POLGARF: variants seen among roughly 807,000 people sequenced by gnomAD.
The protein encoded by POLGARF is POLG alternative reading frame.
chr15:89,330,953 C>A, the POLGARF span, among the ~76,000 whole-genome samples: 1 of 152,114 alleles, frequency 6.6e-6, no homozygotes, highest in African/African-American at 2.4e-5. Context: ...GGGCCCGACA[C>A]TGATTCAGGA....
the POLGARF span, chr15:89,333,118 C>T: frequency 6.6e-7 from 1 of 1,522,772 alleles, no homozygotes; most frequent in Non-Finnish European, 8.8e-7. Context: ...GATATGGCCA[C>T]CGCCAATGTG....
the POLGARF span, among the ~76,000 whole-genome samples, chr15:89,331,096 C>T: frequency 3.9e-5 from 6 of 152,138 alleles, no homozygotes; most frequent in South Asian, 2.1e-4. Context: ...GACGAGGCCA[C>T]GTGTGGACAA....
the POLGARF span, among the ~76,000 whole-genome samples, chr15:89,331,052 A>G: frequency 2.0e-5 from 3 of 152,176 alleles, no homozygotes; most frequent in Non-Finnish European, 4.4e-5. Context: ...AGATTATTCT[A>G]AACAATCAAG....
At chr15:89,333,004 C>A in the POLGARF span, 1 of 1,475,614 alleles carries the variant, frequency 6.8e-7, no homozygotes, top group Non-Finnish European at 9.0e-7. Flanking sequence ...GAGCACCCAG[C>A]CCGTAACAGG....
chr15:89,333,627 T>TGCTGCC, the POLGARF span: 48 of 1,581,460 alleles, frequency 3.0e-5, no homozygotes, highest in African/African-American at 5.4e-5. Context: ...CTGCTGCTGC[T>TGCTGCC]GCCGCCGCCG....
the POLGARF span, chr15:89,333,629 C>CTG: frequency 6.3e-7 from 1 of 1,594,512 alleles, no homozygotes; most frequent in South Asian, 1.1e-5. Flanking sequence ...GCTGCTGCTG[C>CTG]CGCCGCCGCT....
chr15:89,333,737 C>G, the POLGARF span: 1 of 1,535,470 alleles, frequency 6.5e-7, no homozygotes, highest in Admixed American at 2.0e-5. Context: ...CCACCTTCCT[C>G]CAGAGCAGGC....
the POLGARF span, chr15:89,333,788 A>G: frequency 6.5e-7 from 1 of 1,534,678 alleles, no homozygotes; most frequent in East Asian, 2.4e-5. Context: ...TGGGAGTCAG[A>G]ACACCTGGCT....
At chr15:89,330,300 G>A in the POLGARF span, 1 of 1,583,448 alleles carries the variant, frequency 6.3e-7, no homozygotes, top group Non-Finnish European at 8.6e-7. Context: ...GAGGCAGGCA[G>A]GTTCACCATG....
chr15:89,333,207 T>C, the POLGARF span: 15 of 1,573,246 alleles, frequency 9.5e-6, no homozygotes, highest in African/African-American at 4.1e-5. Context: ...GGGTACGGCC[T>C]CCCCCTCGGG....
the POLGARF span, chr15:89,333,354 T>C: frequency 4.5e-6 from 7 of 1,571,044 alleles, no homozygotes; most frequent in East Asian, 7.1e-5. Context: ...CTGGTCCAGG[T>C]TGTCCCCGTA....
chr15:89,333,306 T>C, the POLGARF span: 2 of 1,555,726 alleles, frequency 1.3e-6, no homozygotes, highest in Non-Finnish European at 1.7e-6. Flanking sequence ...CGCCTCCAGG[T>C]AGGGCAGGCT....
the POLGARF span, among the ~76,000 whole-genome samples, chr15:89,330,711 T>G: frequency 1.0e-4 from 15 of 147,816 alleles, no homozygotes; most frequent in Non-Finnish European, 2.1e-4. Flanking sequence ...GAACCCAAGG[T>G]GGAGATTTAA....
At chr15:89,332,954 G>C in the POLGARF span, 4 of 1,091,400 alleles carry the variant, frequency 3.7e-6, no homozygotes, top group East Asian at 5.6e-5. Context: ...CACATAAACA[G>C]GGGTCTAGTC....
chr15:89,332,537 T>C, the POLGARF span, among the ~76,000 whole-genome samples: 1 of 147,880 alleles, frequency 6.8e-6, no homozygotes, highest in African/African-American at 2.5e-5. Flanking sequence ...GGAAGCAATG[T>C]TTCTCAACTA....
chr15:89,333,552 T>C, the POLGARF span: 5 of 1,612,060 alleles, frequency 3.1e-6, no homozygotes, highest in Non-Finnish European at 1.7e-6. Flanking sequence ...GTGCCGCAGC[T>C]GCCCGCCCTC....
At chr15:89,333,110 T>C in the POLGARF span, 1 of 1,519,632 alleles carries the variant, frequency 6.6e-7, no homozygotes, top group Non-Finnish European at 8.8e-7. Context: ...CCGAGGGGGA[T>C]ATGGCCACCG....
At chr15:89,332,416 T>C in the POLGARF span, 1 of 152,176 alleles carries the variant, frequency 6.6e-6, no homozygotes, top group South Asian at 2.1e-4. Flanking sequence ...AGTACTGCCA[T>C]CATTGTTTGA....
At chr15:89,333,588 GGCTGCTGTTGCTGCTGCTGCT>G in the POLGARF span, 1 of 1,604,890 alleles carries the variant, frequency 6.2e-7, no homozygotes, top group Non-Finnish European at 8.5e-7. Flanking sequence ...CGGCTGCTGA[GGCTGCTGTTGCTGCTGCTGCT>G]GCTGCTGCTG....
Sources: allele counts gnomAD v4.1 joint callset (sites outside exome capture counted in the v4.1 genomes callset), GRCh38; gene constraint gnomAD v4.1.1; transcripts MANE v1.5; gene names NCBI Gene and HGNC (gene_info 2026-07-23, HGNC 2026-07-21).